DAGLA: variants seen among roughly 807,000 people sequenced by gnomAD.
DAGLA encodes diacylglycerol lipase alpha.
Under a neutral mutation model 102.6 loss-of-function variants are expected in DAGLA, and 22 were observed. The observed-to-expected ratio is 0.21, with a 90% CI of 0.15 to 0.31. The LOEUF (loss-of-function observed/expected upper bound fraction) is 0.31. DAGLA is among the 10% of genes least tolerant of loss of function. DAGLA has a pLI of 1.00. For synonymous variants in DAGLA, 578 were observed against 628.9 expected (o/e 0.92, Z 1.21); for missense variants, 927 against 1,446.6 (o/e 0.64, Z 5.83).
intron 13 of DAGLA, 152 bp downstream of exon 13, chr11:61,736,502 C>G: frequency 1.5e-6 from 1 of 675,922 alleles, no homozygotes; most frequent in South Asian, 1.9e-5. Flanking sequence ...CTCCCAACCC[C>G]TCCTCTTTTG....
At chr11:61,689,739 C>A (rs760498359) in intron 1 of DAGLA, among the ~76,000 whole-genome samples, 1 of 152,110 alleles carries the variant, frequency 6.6e-6, no homozygotes, top group South Asian at 2.1e-4. Context: ...CTCCTGACCT[C>A]GTGATCCATC....
At chr11:61,700,067 A>T (rs979663939) in intron 1 of DAGLA, among the ~76,000 whole-genome samples, 1 of 152,196 alleles carries the variant, frequency 6.6e-6, no homozygotes, top group Non-Finnish European at 1.5e-5. Context: ...CGCGCAGAGC[A>T]TGTGACTTGG....
At chr11:61,707,256 G>A (rs927114396) in intron 1 of DAGLA, among the ~76,000 whole-genome samples, 8 of 152,256 alleles carry the variant, frequency 5.3e-5, no homozygotes, top group African/African-American at 1.4e-4. Flanking sequence ...AAGTGACAGC[G>A]TGACAAGGCT....
chr11:61,716,667 G>A (rs1037552279), intron 1 of DAGLA, among the ~76,000 whole-genome samples: 3 of 152,188 alleles, frequency 2.0e-5, no homozygotes, highest in Admixed American at 6.5e-5. Context: ...AGGTTGCACC[G>A]CCTGTCGCTG....
In DAGLA at chr11:61,745,581, C is replaced by G. The variant is rs2065529684; in HGVS notation, c.*1092C>G. 6.5e-6 allele frequency: 1 copy of G among 152,712 alleles called. No homozygotes were observed. The highest frequency in any genetic ancestry group is 1.5e-5 in the Non-Finnish European group (1 of 68,130). 9.5% of individuals were successfully genotyped at this position (152,712 alleles called of 1,614,324 possible). A position where few individuals can be genotyped will look rare whatever the true frequency, so the allele number is the denominator to read the frequency against. On this transcript the variant is annotated 3_prime_UTR_variant, in exon 20 of 20. Transcript: ENST00000257215. ...TATGGTGGGCCTTGGCTGGAGACCT[C>G]TGTCCACTGCCCAGGGAGGGGCCTG... is the stretch of plus-strand genomic sequence containing the variant.
intron 1 of DAGLA, among the ~76,000 whole-genome samples, chr11:61,708,332 T>G (rs566897023): frequency 5.3e-5 from 8 of 150,674 alleles, no homozygotes; most frequent in Non-Finnish European, 1.2e-4. Flanking sequence ...ATTAAAGCTC[T>G]ATGTCACCAA....
chr11:61,699,829 G>A (rs116897102), intron 1 of DAGLA, among the ~76,000 whole-genome samples: 3,591 of 152,350 alleles, frequency 0.024, 66 homozygotes, highest in South Asian at 0.042. Context: ...CCACAGCATG[G>A]AGGCCCTCCG....
At chr11:61,719,662 G>A (rs2065265809) in intron 1 of DAGLA, among the ~76,000 whole-genome samples, 1 of 152,180 alleles carries the variant, frequency 6.6e-6, no homozygotes, top group African/African-American at 2.4e-5. Flanking sequence ...CTGCCCTGCT[G>A]GGCTTTGTGC....
chr11:61,698,777 G>C (rs2065086767), intron 1 of DAGLA, among the ~76,000 whole-genome samples: 1 of 152,200 alleles, frequency 6.6e-6, no homozygotes, highest in African/African-American at 2.4e-5. Flanking sequence ...GTGTAGCCCT[G>C]CCCTCCTGGA....
chr11:61,683,514 T>A (rs1361466201), intron 1 of DAGLA, among the ~76,000 whole-genome samples: 1 of 152,186 alleles, frequency 6.6e-6, no homozygotes, highest in Non-Finnish European at 1.5e-5. Flanking sequence ...AGCCTCCCTG[T>A]TGTGAATATT....
intron 1 of DAGLA, among the ~76,000 whole-genome samples, chr11:61,718,574 A>C: frequency 6.6e-6 from 1 of 150,390 alleles, no homozygotes; most frequent in South Asian, 2.1e-4. Flanking sequence ...GACGCCCCGG[A>C]CCCCTGCAGT....
intron 3 of DAGLA, among the ~76,000 whole-genome samples, chr11:61,721,644 C>G (rs1225206053): frequency 1.3e-5 from 2 of 152,186 alleles, no homozygotes; most frequent in African/African-American, 4.8e-5. Flanking sequence ...CCTGGGAACC[C>G]CCTCAGGAGT....
intron 1 of DAGLA, among the ~76,000 whole-genome samples, chr11:61,706,509 G>A (rs1021133416): frequency 6.6e-6 from 1 of 152,116 alleles, no homozygotes; most frequent in African/African-American, 2.4e-5. Flanking sequence ...TCGTGGTTGG[G>A]GGTGGGCTCT....
Position 61,744,681 on chromosome 11 carries a change from G to C in DAGLA, c.*192G>C, listed in dbSNP as rs1342660319. Reference sequence around the variant, plus strand: ...AGGACCCCCAGAGCCAAGGTGGCTGGGATCTGGCCCCACAGATGGGGAAAG... The same window carrying C: ...AGGACCCCCAGAGCCAAGGTGGCTGCGATCTGGCCCCACAGATGGGGAAAG... On this transcript the variant is annotated 3_prime_UTR_variant, in exon 20 of 20. Coordinates refer to ENST00000257215, the MANE Select transcript of DAGLA (RefSeq NM_006133.3). The C allele has an allele frequency of 3.5e-6, 2 of 564,262 alleles. No individual in the cohort carries two copies. The highest frequency in any genetic ancestry group is 3.5e-5 in the Admixed American group (1 of 28,280). The allele number at this position is 564,262 out of a possible 1,614,324, so 35.0% of individuals were successfully genotyped here. A position where few individuals can be genotyped will look rare whatever the true frequency, so the allele number is the denominator to read the frequency against.
At chr11:61,708,547 A>AT (rs1274308065) in intron 1 of DAGLA, among the ~76,000 whole-genome samples, 6 of 150,790 alleles carry the variant, frequency 4.0e-5, no homozygotes, top group South Asian at 2.1e-4. Flanking sequence ...TGCCCAGCTA[A>AT]TTTTTTTTGT....
At chr11:61,717,423 C>T (rs1043374922) in intron 1 of DAGLA, among the ~76,000 whole-genome samples, 19 of 152,096 alleles carry the variant, frequency 1.2e-4, no homozygotes, top group Non-Finnish European at 2.4e-4. Context: ...CCAGCCCAGG[C>T]GGGAGGGGTG....
In DAGLA at chr11:61,731,460, TC is replaced by T. The variant is rs1439220449; in HGVS notation, c.974+24del. ...CCTGCTCGTGAGTACCCCTGTCCCA[TC>T]CCCCAGCGATTGCACCTCTCCTCCC... On this transcript the variant is annotated intron_variant, in intron 9 of 19. Transcript: ENST00000257215. 1.2e-6 allele frequency: 2 copies of T among 1,611,280 alleles called. No individual in the cohort carries two copies. Among genetic ancestry groups the T allele is most frequent in the East Asian group, 2.2e-5 (1 of 44,836 alleles).
chr11:61,703,678 A>AGTGGATGGAGGATGGAGGAATGGATGG (rs2065126850), intron 1 of DAGLA, among the ~76,000 whole-genome samples: 1 of 149,460 alleles, frequency 6.7e-6, no homozygotes, highest in Non-Finnish European at 1.5e-5. Context: ...AGGATGGAGG[A>AGTGGATGGAGGATGGAGGAATGGATGG]ATGGATGGAT....
rs761950219 is a variant in DAGLA, at chr11:61,744,267, G to A, written c.2907G>A (p.Val969=). 2 of 1,612,944 alleles carry A rather than the reference G, an allele frequency of 1.2e-6. No homozygotes were observed. The highest frequency in any genetic ancestry group is 3.3e-5 in the Admixed American group (2 of 60,024). ...GTGCCCAGTTCGAGCCCAACCTGGT[G>A]CCCAAGCCCCCACGGCTCTTTGCCG... The part of the protein sequence containing the change: ...LLRAQFEPNL[V]PKPPRLFAGS... The change falls in exon 20 of 20, where the codon GTG becomes GTA. Residue 969 remains valine, a synonymous_variant. Coordinates refer to ENST00000257215, the MANE Select transcript of DAGLA (RefSeq NM_006133.3).
Sources: allele counts gnomAD v4.1 joint callset (sites outside exome capture counted in the v4.1 genomes callset), GRCh38; gene constraint gnomAD v4.1.1; transcripts MANE v1.5; gene names NCBI Gene and HGNC (gene_info 2026-07-23, HGNC 2026-07-21).